TTBK1: variants seen among roughly 807,000 people sequenced by gnomAD.
TTBK1 encodes the protein tau-tubulin kinase 1.
Under a neutral mutation model 108.5 loss-of-function variants are expected in TTBK1, and 34 were observed. The observed-to-expected ratio is 0.31, with a 90% confidence interval of 0.24 to 0.42. The LOEUF (loss-of-function observed/expected upper bound fraction) is 0.42. Among genes scored for constraint, TTBK1 ranks in the 10% least tolerant of loss-of-function variants. TTBK1 has a pLI of 1.00. For missense variants in TTBK1, 1,539 were observed against 1,826.0 expected (o/e 0.84, Z 2.86); for synonymous variants, 809 against 795.1 (o/e 1.02, Z -0.29).
Position 43,285,153 on chromosome 6 carries a change from C to T in TTBK1, c.3743C>T (p.Ser1248Phe), listed in dbSNP as rs534789802. ...STSAARNASA[S>F]PRSQSLSRRE... The stretch of plus-strand genomic sequence containing the variant: ...TCCGCCGCGCGCAATGCCAGCGCGT[C>T]CCCCCGGAGCCAGTCCCTGTCCCGC... The change falls in exon 15 of 15, where the codon TCC becomes TTC. Residue 1248 changes from serine (S) to phenylalanine (F), a missense_variant. By Grantham distance (155) the Ser-to-Phe change is radical. Coordinates refer to ENST00000259750, the MANE Select transcript of TTBK1 (RefSeq NM_032538.3). This position sits in a 1 kb window ranked among gnomAD's most constrained non-coding sequence, Gnocchi z 4.7. 4.7e-4 allele frequency: 673 copies of T among 1,421,730 alleles called. 2 individuals carry two copies. Among genetic ancestry groups the T allele is most frequent in the Non-Finnish European group, 5.8e-4 (635 of 1,095,694 alleles). 88.1% of individuals were successfully genotyped at this position (1,421,730 alleles called of 1,614,324 possible). A position where few individuals can be genotyped will look rare whatever the true frequency, so the allele number is the denominator to read the frequency against.
intron 13 of TTBK1, among the ~76,000 whole-genome samples, chr6:43,275,954 C>T (rs571594503): frequency 2.5e-3 from 380 of 152,314 alleles, no homozygotes; most frequent in African/African-American, 8.4e-3. Flanking sequence ...AGGGGCTGGC[C>T]CCTGCCCCCG....
intron 6 of TTBK1, 136 bp downstream of exon 6, chr6:43,254,787 G>C (rs1777340519): frequency 6.2e-6 from 5 of 804,036 alleles, no homozygotes; most frequent in Admixed American, 2.9e-5. Flanking sequence ...CCCAGCTCTG[G>C]GTGTCCACAC....
At chr6:43,247,333 C>A (rs1199448474) in intron 2 of TTBK1, among the ~76,000 whole-genome samples, 1 of 152,222 alleles carries the variant, frequency 6.6e-6, no homozygotes, top group Non-Finnish European at 1.5e-5. Flanking sequence ...GGGCTTCGGG[C>A]TGCTCGGCCT....
Position 43,253,555 on chromosome 6 carries a change from C to T in TTBK1, c.331-13C>T. ...TGAGGGTGAGTCTACCCCCCACCTC[C>T]ACCCCCATGCAGGGCCGGAACCTGG... On this transcript the variant is annotated splice_polypyrimidine_tract_variant and intron_variant, in intron 4 of 14. Coordinates refer to ENST00000259750, the MANE Select transcript of TTBK1 (RefSeq NM_032538.3). The surrounding 1 kb of genome is among the most constrained non-coding windows in gnomAD (Gnocchi z 5.8). 1 of 1,599,592 alleles carries T rather than the reference C, an allele frequency of 6.3e-7. No homozygotes were observed. Among genetic ancestry groups the T allele is most frequent in the Non-Finnish European group, 8.5e-7 (1 of 1,172,680 alleles).
rs778706310 is a variant in TTBK1 at position 43,283,080 on chromosome 6, G to T, written c.2340G>T (p.Glu780Asp). ...EEAAAAVALG[E>D]VLGPRSGSSS... ...CTGCAGCGGCAGTTGCCTTGGGGGA[G>T]GTGCTGGGGCCTCGTAGTGGCTCCA... Residue 780 changes from glutamate to aspartate, a missense_variant, in exon 14 of 15, where the codon GAG (glutamate) becomes GAT (aspartate). Physicochemically the swap from Glu to Asp is conservative, Grantham distance 45. Around this residue, in one of 5 missense-constraint regions of TTBK1, gnomAD observed 1,055 missense variants for 1,086.5 expected, o/e 0.97. Transcript: ENST00000259750. The surrounding 1 kb of genome is among the most constrained non-coding windows in gnomAD (Gnocchi z 8.1). 2.5e-6 allele frequency: 4 copies of T among 1,586,928 alleles called. No homozygotes were observed. In the South Asian group the frequency reaches 4.6e-5, roughly 18 times the overall value.
At chr6:43,274,384 G>A (rs1327161397) in intron 13 of TTBK1, among the ~76,000 whole-genome samples, 1 of 152,268 alleles carries the variant, frequency 6.6e-6, no homozygotes, top group East Asian at 1.9e-4. Context: ...TCTGGGGAGG[G>A]GTGGTGCTGT....
In TTBK1 at chr6:43,282,820, G is replaced by T; in HGVS notation, c.2080G>T (p.Asp694Tyr). The T allele has an allele frequency of 6.2e-7, 1 of 1,614,024 alleles. No homozygotes were observed. The highest frequency in any genetic ancestry group is 2.2e-5 in the East Asian group (1 of 44,876). Residue 694 changes from aspartate to tyrosine, a missense_variant, in exon 14 of 15, where the codon GAT becomes TAT. Physicochemically the swap from Asp to Tyr is radical, Grantham distance 160. Coordinates refer to ENST00000259750, the MANE Select transcript of TTBK1 (RefSeq NM_032538.3). The surrounding 1 kb of genome is among the most constrained non-coding windows in gnomAD (Gnocchi z 5.4). The stretch of plus-strand genomic sequence containing the variant: ...CCAGGACTTCAAAAGAGACCTCTCC[G>T]ATTACCGAGAACGGGCGCGGTTGCT... ...PYQDFKRDLSDYRERARLLNR... is the reference protein window; with the variant it reads ...PYQDFKRDLSYYRERARLLNR...
In TTBK1 at chr6:43,283,933, A is replaced by G. The variant is rs758846048; in HGVS notation, c.3193A>G (p.Thr1065Ala). ...CCCTGTCCTGCTCTCTGAGGAGGAC[A>G]CGGGCTCGGAGCCCTCAGGCTCACT... Reference protein sequence around the residue: ...RIPVLLSEEDTGSEPSGSLSA... With the variant: ...RIPVLLSEEDAGSEPSGSLSA... Residue 1065 changes from threonine (T) to alanine (A), a missense_variant, in exon 14 of 15, where the codon ACG becomes GCG. Physicochemically the swap from Thr to Ala is moderately conservative, Grantham distance 58. Coordinates refer to ENST00000259750, the MANE Select transcript of TTBK1 (RefSeq NM_032538.3). This position sits in a 1 kb window ranked among gnomAD's most constrained non-coding sequence, Gnocchi z 8.1. The G allele has an allele frequency of 1.6e-5, 26 of 1,612,870 alleles. No individual in the cohort carries two copies. The highest frequency in any genetic ancestry group is 4.2e-6 in the Non-Finnish European group (5 of 1,179,430).
chr6:43,247,026 ACTC>A (rs903965001), intron 2 of TTBK1, among the ~76,000 whole-genome samples: 5 of 151,616 alleles, frequency 3.3e-5, no homozygotes, highest in Admixed American at 2.6e-4. Context: ...GCCCGGAACA[ACTC>A]CTGGTTGGAT....
At chr6:43,278,486 C>A (rs1582516122) in intron 13 of TTBK1, among the ~76,000 whole-genome samples, 1 of 152,162 alleles carries the variant, frequency 6.6e-6, no homozygotes, top group East Asian at 1.9e-4. Context: ...GATTTCTGGG[C>A]CTCTTCTCTG....
chr6:43,255,684 T>A (rs769170763), intron 8 of TTBK1, 40 bp downstream of exon 8: 11 of 1,613,800 alleles, frequency 6.8e-6, no homozygotes, highest in African/African-American at 4.0e-5. Flanking sequence ...GCAGAAGGAG[T>A]GTCAGGGCAG....
chr6:43,250,215 G>GC (rs1417649469), intron 2 of TTBK1, among the ~76,000 whole-genome samples: 3 of 152,130 alleles, frequency 2.0e-5, no homozygotes, highest in Non-Finnish European at 2.9e-5. Flanking sequence ...CTCTAGCAAT[G>GC]ATTTCGGAGC....
chr6:43,254,605 T>C lies in TTBK1; in HGVS notation c.530T>C (p.Phe177Ser). 1 of 1,591,640 alleles carries C rather than the reference T, an allele frequency of 6.3e-7. No individual in the cohort carries two copies. Among genetic ancestry groups the C allele is most frequent in the Non-Finnish European group, 8.5e-7 (1 of 1,171,090 alleles). The stretch of plus-strand genomic sequence containing the variant: ...TACAGGAAGTGCTATATGCTGGACT[T>C]CGGGCTGGCCCGGCAGTACACCAAC... ...STYRKCYMLD[F>S]GLARQYTNTT... Residue 177 changes from phenylalanine (F) to serine (S), a missense_variant, in exon 6 of 15, where the codon TTC becomes TCC. Phe to Ser is a radical substitution (Grantham distance 155, BLOSUM62 -2). Transcript: ENST00000259750.
chr6:43,284,858 T>G (rs554374165), intron 14 of TTBK1, 125 bp from the exon 15 acceptor site: 3 of 1,362,862 alleles, frequency 2.2e-6, no homozygotes, highest in Non-Finnish European at 2.8e-6. Context: ...ATCTGTGCCA[T>G]GGTCTCAGTC....
At chr6:43,256,132 A>C (rs1777374306) in intron 9 of TTBK1, among the ~76,000 whole-genome samples, 1 of 146,548 alleles carries the variant, frequency 6.8e-6, no homozygotes, top group African/African-American at 2.5e-5. Flanking sequence ...TTATATTATT[A>C]TTCCAGCTCT....
rs58985204 is a variant in TTBK1, at chr6:43,252,182, C to CTGTGTGTGTGTGTG, written c.109-527_109-514dup. 7.9e-4 allele frequency among the ~76,000 whole-genome samples: 111 copies of CTGTGTGTGTGTGTG among 140,110 alleles called. 3 individuals carry two copies. The highest frequency in any genetic ancestry group is 3.1e-3 in the South Asian group (13 of 4,176). 91.9% of individuals were successfully genotyped at this position (140,110 alleles called of 152,430 possible). ...TTTTACCCTTTCCTGACATCTGGCT[C>CTGTGTGTGTGTGTG]TGTGTGTGTGTGTGTGTGTGTGTGT... On this transcript the variant is annotated intron_variant, in intron 2 of 14. Transcript: ENST00000259750.
intron 13 of TTBK1, among the ~76,000 whole-genome samples, chr6:43,280,390 T>C (rs772994403): frequency 6.6e-6 from 1 of 151,744 alleles, no homozygotes; most frequent in African/African-American, 2.4e-5. Context: ...GAGCAGGAGG[T>C]GGGAGGTAGG....
Position 43,276,664 on chromosome 6 carries a change from C to G in TTBK1, c.1987-6063C>G, listed in dbSNP as rs1247649614. On this transcript the variant is annotated intron_variant, in intron 13 of 14. Transcript: ENST00000259750. This position sits in a 1 kb window ranked among gnomAD's most constrained non-coding sequence, Gnocchi z 5.4. ...CCTGATTAAAGACGCCTTCCAGGAACCTGCGCCTCCGCCTGCTTTCTTTCA... is the reference window on the plus strand; with the variant it reads ...CCTGATTAAAGACGCCTTCCAGGAAGCTGCGCCTCCGCCTGCTTTCTTTCA... 6.6e-6 allele frequency among the ~76,000 whole-genome samples: 1 copy of G among 152,256 alleles called. No individual in the cohort carries two copies. The highest frequency in any genetic ancestry group is 6.5e-5 in the Admixed American group (1 of 15,290).
intron 2 of TTBK1, among the ~76,000 whole-genome samples, chr6:43,251,705 G>C (rs6930460): frequency 6.6e-6 from 1 of 151,944 alleles, no homozygotes; most frequent in African/African-American, 2.4e-5. Context: ...CTGGAGGGGG[G>C]AGACGAGAGG....
Sources: gnomAD v4.1 joint callset for allele counts (sites outside exome capture counted in the v4.1 genomes callset) on GRCh38, gnomAD v4.1.1 for gene constraint, gnomAD v4.1.1 regional missense constraint, Gnocchi (gnomAD v3.1) non-coding constraint, MANE v1.5 for transcripts, NCBI Gene and HGNC (gene_info 2026-07-23, HGNC 2026-07-21) for gene names.